The following NRP2 variants were observed in gnomAD, a reference collection of about 807,000 sequenced individuals.
NRP2 encodes the protein neuropilin-2.
In NRP2, 52 loss-of-function variants were observed where a neutral mutation model predicts 110.4. The observed-to-expected ratio is 0.47, with a 90% CI of 0.38 to 0.59. NRP2 has a LOEUF of 0.59. Ranked by LOEUF, NRP2 falls within the 20% of genes least tolerant of loss-of-function variation. The pLI is 0.00. For synonymous variants in NRP2, 508 were observed against 468.9 expected (o/e 1.08, Z -1.08); for missense variants, 1,049 against 1,203.0 (o/e 0.87, Z 1.89).
intron 12 of NRP2, among the ~76,000 whole-genome samples, chr2:205,757,862 G>C (rs780709183): frequency 2.7e-5 from 4 of 148,544 alleles, no homozygotes; most frequent in Non-Finnish European, 4.5e-5. Context: ...AGGCTTTGCA[G>C]AAAAAAATAA....
intron 15 of NRP2, chr2:205,776,349 G>T (rs756876111): frequency 2.5e-6 from 4 of 1,613,056 alleles, no homozygotes; most frequent in Non-Finnish European, 3.4e-6. Context: ...GCGCCGTGCT[G>T]GTGCTGGTCT....
intron 15 of NRP2, among the ~76,000 whole-genome samples, chr2:205,785,735 C>T (rs893143104): frequency 3.3e-5 from 5 of 152,178 alleles, no homozygotes; most frequent in African/African-American, 4.8e-5. Context: ...GCTGCTCATC[C>T]GCCTCCACAC....
chr2:205,740,121 G>A, intron 7 of NRP2: 1 of 301,782 alleles, frequency 3.3e-6, no homozygotes, highest in Non-Finnish European at 6.4e-6. Context: ...GCAACATGAG[G>A]AAGAGGGAGT....
chr2:205,692,128 A>G (rs1441713355), intron 1 of NRP2, among the ~76,000 whole-genome samples: 1 of 152,040 alleles, frequency 6.6e-6, no homozygotes, highest in Non-Finnish European at 1.5e-5. Context: ...TCCCTCCTAG[A>G]TGGCCCTTTT....
intron 1 of NRP2, among the ~76,000 whole-genome samples, chr2:205,690,579 TACACAC>T (rs10591632): frequency 0.24 from 29,632 of 123,884 alleles, 3,857 homozygotes; most frequent in East Asian, 0.54. Flanking sequence ...CTGCTAAAAA[TACACAC>T]ACACACACAC....
intron 7 of NRP2, among the ~76,000 whole-genome samples, chr2:205,739,682 C>CTTTTTTTT (rs3047659): frequency 8.0e-6 from 1 of 124,952 alleles, no homozygotes; most frequent in Non-Finnish European, 1.7e-5. Context: ...GCTCTAGTTA[C>CTTTTTTTT]TTTTTTTTTT....
intron 2 of NRP2, among the ~76,000 whole-genome samples, chr2:205,706,703 G>A (rs964013455): frequency 6.6e-6 from 1 of 152,136 alleles, no homozygotes; most frequent in Non-Finnish European, 1.5e-5. Flanking sequence ...TGAGGTCCAA[G>A]CAGATACAAG....
chr2:205,749,351 T>C (rs1240632648), intron 10 of NRP2, among the ~76,000 whole-genome samples: 1 of 152,194 alleles, frequency 6.6e-6, no homozygotes, highest in Non-Finnish European at 1.5e-5. Flanking sequence ...TAAATCCATA[T>C]TCCCGTCCAT....
At chr2:205,792,381 A>G in intron 16 of NRP2, 96 bp downstream of exon 16, 1 of 827,522 alleles carries the variant, frequency 1.2e-6, no homozygotes, top group Non-Finnish European at 2.1e-6. Flanking sequence ...GAGGGCCCAA[A>G]TCTAGAACTA....
Position 205,792,250 on chromosome 2 carries a change from T to C in NRP2, c.2441T>C (p.Ile814Thr). 3 of 1,595,842 alleles carry C rather than the reference T, an allele frequency of 1.9e-6. No homozygotes were observed. The highest frequency in any genetic ancestry group is 2.6e-6 in the Non-Finnish European group (3 of 1,163,478). ...TATATTATAGTGGACATCCCAGAAATACATGAGAGAGAAGGATATGAAGAT... is the reference window on the plus strand; with the variant it reads ...TATATTATAGTGGACATCCCAGAAACACATGAGAGAGAAGGATATGAAGAT... ...ISAFAVDIPE[I>T]HEREGYEDEI... Residue 814 changes from isoleucine to threonine, a missense_variant, in exon 16 of 17, where the codon ATA (isoleucine) becomes ACA (threonine). Physicochemically the swap from Ile to Thr is moderately conservative, Grantham distance 89. Transcript: ENST00000357785.
chr2:205,700,569 A>C (rs188191260), intron 2 of NRP2: 4 of 360,752 alleles, frequency 1.1e-5, no homozygotes, highest in African/African-American at 2.1e-5. Context: ...GAAAGAATTT[A>C]TCCTGGGCTG....
chr2:205,758,106 A>T (rs935598871), intron 12 of NRP2, among the ~76,000 whole-genome samples: 2 of 152,222 alleles, frequency 1.3e-5, no homozygotes, highest in Non-Finnish European at 2.9e-5. Context: ...CCTTGAGAAC[A>T]TCTTGCTAAG....
chr2:205,771,140 C>T (rs532279322), intron 15 of NRP2, among the ~76,000 whole-genome samples: 39 of 152,250 alleles, frequency 2.6e-4, no homozygotes, highest in African/African-American at 8.2e-4. Context: ...GATCTGAATT[C>T]GGAGGCATTT....
At chr2:205,698,641 G>A (rs2056488195) in intron 2 of NRP2, among the ~76,000 whole-genome samples, 1 of 152,216 alleles carries the variant, frequency 6.6e-6, no homozygotes, top group South Asian at 2.1e-4. Context: ...GCTTTAAGCT[G>A]TCTACTGAGC....
intron 2 of NRP2, chr2:205,700,861 C>T: frequency 2.3e-6 from 1 of 442,762 alleles, no homozygotes; most frequent in Non-Finnish European, 4.6e-6. Flanking sequence ...GTTTGGGGGC[C>T]TGTATAGAAG....
In NRP2 at chr2:205,795,971, C is replaced by A. The variant is rs1322177642; in HGVS notation, c.*913C>A. 6.6e-6 allele frequency: 1 copy of A among 152,194 alleles called. No homozygotes were observed. The highest frequency in any genetic ancestry group is 1.9e-4 in the East Asian group (1 of 5,200). 9.4% of individuals were successfully genotyped at this position (152,194 alleles called of 1,614,324 possible). ...TCTAAAACATATACATATATACATA[C>A]ACACATACACATATTCTTCAGGTCT... On this transcript the variant is annotated 3_prime_UTR_variant, in exon 17 of 17. Coordinates refer to ENST00000357785, the MANE Select transcript of NRP2 (RefSeq NM_003872.3).
chr2:205,689,856 G>T (rs1186794852), intron 1 of NRP2, among the ~76,000 whole-genome samples: 1 of 152,188 alleles, frequency 6.6e-6, no homozygotes, highest in Non-Finnish European at 1.5e-5. Flanking sequence ...AGGCCCTTCA[G>T]CAGCTGAACT....
At chr2:205,740,936 C>G (rs2057428924) in intron 8 of NRP2, among the ~76,000 whole-genome samples, 1 of 152,160 alleles carries the variant, frequency 6.6e-6, no homozygotes, top group African/African-American at 2.4e-5. Flanking sequence ...TTTTATTATC[C>G]TCATAAGGAC....
rs2057420567 is a variant in NRP2 at position 205,740,503 on chromosome 2, G to C, written c.1147-16G>C. ...ACAGGGGTTTCAATAACATGGTTTT[G>C]CATCTTACGCTACAGGTATTTCAAG... On this transcript the variant is annotated splice_polypyrimidine_tract_variant and intron_variant, in intron 7 of 16. Transcript: ENST00000357785. 1 of 1,614,026 alleles carries C rather than the reference G, an allele frequency of 6.2e-7. No individual in the cohort carries two copies. Among genetic ancestry groups the C allele is most frequent in the African/African-American group, 1.3e-5 (1 of 74,930 alleles).
Sources: gnomAD v4.1 joint callset for allele counts (sites outside exome capture counted in the v4.1 genomes callset) on GRCh38, gnomAD v4.1.1 for gene constraint, MANE v1.5 for transcripts, NCBI Gene and HGNC (gene_info 2026-07-23, HGNC 2026-07-21) for gene names.